The following GRM7 variants were observed in gnomAD, a reference collection of about 807,000 sequenced individuals.
GRM7 encodes metabotropic glutamate receptor 7.
GRM7 carries 35 observed loss-of-function variants against 84.5 expected under a neutral mutation model. The ratio of observed to expected loss-of-function variants is 0.41; its 90% confidence interval spans 0.32 to 0.55. GRM7 has a LOEUF of 0.55. Among genes scored for constraint, GRM7 ranks in the 20% least tolerant of loss-of-function variants. The pLI is 0.19. For missense variants in GRM7, 1,003 were observed against 1,194.6 expected (o/e 0.84, Z 2.36); for synonymous variants, 487 against 455.1 (o/e 1.07, Z -0.89).
Position 7,572,869 on chromosome 3 carries a change from TATATATATATAA to T in GRM7, c.1516-5549_1516-5538del, listed in dbSNP as rs1196482458. Among the ~76,000 whole-genome samples the T allele has an allele frequency of 5.8e-4, 31 of 53,812 alleles. 2 individuals are homozygous for T. The highest frequency in any genetic ancestry group is 1.7e-3 in the African/African-American group (26 of 15,750). The allele number at this position is 53,812 out of a possible 152,430, so 35.3% of individuals were successfully genotyped here. On this transcript the variant is annotated intron_variant, in intron 7 of 9. Transcript: ENST00000357716. ...ATATATATATATATATATATATATA[TATATATATATAA>T]ATAATCTTTCTACCTATAATAATTC...
intron 7 of GRM7, among the ~76,000 whole-genome samples, chr3:7,546,884 T>G (rs1450673041): frequency 6.6e-6 from 1 of 152,232 alleles, no homozygotes; most frequent in African/African-American, 2.4e-5. Context: ...AATGCCGATG[T>G]TAGAGTAACT....
At chr3:7,488,294 A>G (rs2167142) in intron 7 of GRM7, among the ~76,000 whole-genome samples, 91,896 of 151,942 alleles carry the variant, frequency 0.6, 28,158 homozygotes, top group East Asian at 0.74. Flanking sequence ...ATTTTGCACT[A>G]TGAGGAGAAT....
chr3:7,670,207 A>G (rs1007887543), intron 8 of GRM7, among the ~76,000 whole-genome samples: 2 of 152,192 alleles, frequency 1.3e-5, no homozygotes, highest in African/African-American at 4.8e-5. Flanking sequence ...ACAAAGACAT[A>G]TACAGAGAAA....
At chr3:7,563,582 G>GA (rs1197641322) in intron 7 of GRM7, among the ~76,000 whole-genome samples, 1 of 152,078 alleles carries the variant, frequency 6.6e-6, no homozygotes, top group Admixed American at 6.5e-5. Flanking sequence ...GAATTAGGGG[G>GA]AAAAATGACA....
chr3:6,962,971 T>A (rs1693358915), intron 1 of GRM7, among the ~76,000 whole-genome samples: 1 of 152,248 alleles, frequency 6.6e-6, no homozygotes, highest in African/African-American at 2.4e-5. Context: ...TACTTCAAGG[T>A]TAAATGCAAG....
intron 1 of GRM7, among the ~76,000 whole-genome samples, chr3:7,068,517 T>G (rs1277337908): frequency 2.0e-5 from 3 of 152,042 alleles, no homozygotes; most frequent in African/African-American, 7.2e-5. Context: ...CCGGTTTTGA[T>G]TTTAAACTCT....
intron 7 of GRM7, chr3:7,519,657 C>T (rs1381035794): frequency 6.6e-6 from 1 of 152,094 alleles, no homozygotes; most frequent in African/African-American, 2.4e-5. Context: ...ATGTCAGGCA[C>T]CTGAGACCTG....
chr3:7,573,788 G>C (rs1400185245), intron 7 of GRM7, among the ~76,000 whole-genome samples: 1 of 152,156 alleles, frequency 6.6e-6, no homozygotes, highest in Non-Finnish European at 1.5e-5. Flanking sequence ...GCATTCTCAG[G>C]AGACAAATAG....
chr3:7,364,040 G>T (rs1208351574), intron 4 of GRM7, among the ~76,000 whole-genome samples: 1 of 151,962 alleles, frequency 6.6e-6, no homozygotes, highest in Non-Finnish European at 1.5e-5. Flanking sequence ...CCTGTAAACT[G>T]TGCCACTTCT....
chr3:7,005,507 A>T (rs1224646311), intron 1 of GRM7, among the ~76,000 whole-genome samples: 2 of 152,228 alleles, frequency 1.3e-5, no homozygotes, highest in Non-Finnish European at 2.9e-5. Flanking sequence ...CTTATGTTCA[A>T]TAGTACCATA....
intron 2 of GRM7, among the ~76,000 whole-genome samples, chr3:7,266,736 A>G (rs1221867271): frequency 6.6e-6 from 1 of 152,224 alleles, no homozygotes; most frequent in Non-Finnish European, 1.5e-5. Context: ...GAAACTGGGC[A>G]TTGTATCAAA....
rs1012242587 is a variant in GRM7 at position 7,116,239 on chromosome 3, G to A, written c.520-30213G>A. On this transcript the variant is annotated intron_variant, in intron 1 of 9. Coordinates refer to ENST00000357716, the MANE Select transcript of GRM7 (RefSeq NM_000844.4). ...GTGACCACAGAAACAATTGTCTAAT[G>A]CCATTTCTCTCCAGGCATTACTGGT... Among the ~76,000 whole-genome samples the A allele has an allele frequency of 3.9e-5, 6 of 152,120 alleles. No individual in the cohort carries two copies. In the South Asian group the frequency reaches 1.2e-3, roughly 32 times the overall value.
chr3:7,689,955 CTCAAGG>C (rs1301378348), intron 9 of GRM7, among the ~76,000 whole-genome samples: 1 of 152,144 alleles, frequency 6.6e-6, no homozygotes, highest in Non-Finnish European at 1.5e-5. Context: ...AGGGCTCTTC[CTCAAGG>C]TATGTGCCAA....
At chr3:7,689,201 A>C (rs934510261) in intron 9 of GRM7, among the ~76,000 whole-genome samples, 2 of 152,240 alleles carry the variant, frequency 1.3e-5, no homozygotes, top group Admixed American at 1.3e-4. Context: ...CGAGAATGCC[A>C]AACACATGAA....
At chr3:7,611,112 G>T (rs1393393902) in intron 8 of GRM7, among the ~76,000 whole-genome samples, 1 of 152,050 alleles carries the variant, frequency 6.6e-6, no homozygotes, top group African/African-American at 2.4e-5. Flanking sequence ...GAGTATTTCA[G>T]ACCTTCTGCA....
chr3:7,630,604 C>T (rs951606903), intron 8 of GRM7, among the ~76,000 whole-genome samples: 5 of 152,192 alleles, frequency 3.3e-5, no homozygotes, highest in Admixed American at 1.3e-4. Flanking sequence ...TTGGCTTGTC[C>T]TGAGGACCCA....
chr3:7,246,935 CAA>C (rs1027319656), intron 2 of GRM7, among the ~76,000 whole-genome samples: 1 of 152,000 alleles, frequency 6.6e-6, no homozygotes, highest in Non-Finnish European at 1.5e-5. Context: ...CTATAGTAAT[CAA>C]AAGAGTATTA....
intron 7 of GRM7, among the ~76,000 whole-genome samples, chr3:7,575,471 G>A (rs1564843): frequency 0.24 from 36,339 of 152,034 alleles, 5,024 homozygotes; most frequent in Non-Finnish European, 0.29. Context: ...TTTTCATAGC[G>A]TTAAATAATT....
intron 2 of GRM7, among the ~76,000 whole-genome samples, chr3:7,189,725 G>A (rs1042711050): frequency 1.9e-4 from 29 of 152,090 alleles, no homozygotes; most frequent in African/African-American, 7.0e-4. Flanking sequence ...TATAAGCAAG[G>A]AGAAACAGTA....
Sources: gnomAD v4.1 joint callset for allele counts (sites outside exome capture counted in the v4.1 genomes callset) on GRCh38, gnomAD v4.1.1 for gene constraint, MANE v1.5 for transcripts, NCBI Gene and HGNC (gene_info 2026-07-23, HGNC 2026-07-21) for gene names.